The following DNAAF9 variants were observed in gnomAD, a reference collection of about 807,000 sequenced individuals.
The protein encoded by DNAAF9 is dynein axonemal assembly factor 9, also known as shulin.
DNAAF9 carries 90 observed loss-of-function variants against 167.0 expected under a neutral mutation model. The observed-to-expected ratio is 0.54, with a 90% CI of 0.45 to 0.64. The LOEUF is 0.64. DNAAF9 is among the 30% of genes least tolerant of loss of function. The probability of loss-of-function intolerance (pLI) is 0.00; values close to 1 mark genes in which losing one functional copy is unlikely to be tolerated. For missense variants in DNAAF9, 1,315 were observed against 1,442.2 expected (o/e 0.91, Z 1.43); for synonymous variants, 491 against 508.8 (o/e 0.96, Z 0.47).
chr20:3,359,745 C>T, intron 6 of DNAAF9, 152 bp from the exon 7 acceptor site: 3 of 587,966 alleles, frequency 5.1e-6, no homozygotes, highest in South Asian at 5.1e-5. Flanking sequence ...TTGCCCTATA[C>T]ATATTAATAA....
At chr20:3,369,129 CA>C (rs35047918) in intron 6 of DNAAF9, among the ~76,000 whole-genome samples, 2,593 of 133,820 alleles carry the variant, frequency 0.019, 27 homozygotes, top group Middle Eastern at 0.031. Context: ...AACTCTGTCT[CA>C]AAAAAAAAAA....
chr20:3,348,604 T>C lies in DNAAF9; in HGVS notation c.710A>G (p.His237Arg). ...ATTAGCGAAGAAGCTAGTCCACTGATGTTCAAAAGCCACCAAATCCTGGGA... is the reference window on the plus strand; with the variant it reads ...ATTAGCGAAGAAGCTAGTCCACTGACGTTCAAAAGCCACCAAATCCTGGGA... ...LLSDDLVAFE[H>R]QWTSFFANFD... Residue 237 changes from histidine to arginine, a missense_variant, in exon 8 of 37, where the codon CAT becomes CGT. By Grantham distance (29) the His-to-Arg change is conservative. Around this residue, in one of 2 missense-constraint regions of DNAAF9, gnomAD observed 981 missense variants for 1,012.5 expected, o/e 0.97. Transcript: ENST00000252032. 1 of 1,600,602 alleles carries C rather than the reference T, an allele frequency of 6.2e-7. No individual in the cohort carries two copies.
intron 30 of DNAAF9, among the ~76,000 whole-genome samples, chr20:3,266,355 T>C (rs1395539426): frequency 6.6e-6 from 1 of 152,210 alleles, no homozygotes; most frequent in Non-Finnish European, 1.5e-5. Context: ...ACAGGACTAG[T>C]AATATTTTTT....
intron 1 of DNAAF9, among the ~76,000 whole-genome samples, chr20:3,389,519 C>T (rs1366344036): frequency 6.6e-6 from 1 of 151,780 alleles, no homozygotes; most frequent in Non-Finnish European, 1.5e-5. Context: ...GTAATTCCAA[C>T]ACTTTGGGAG....
Position 3,269,953 on chromosome 20 carries a change from G to A in DNAAF9, c.2786+474C>T, listed in dbSNP as rs1187628451. Among the ~76,000 whole-genome samples the A allele has an allele frequency of 2.1e-5, 3 of 145,584 alleles. No homozygotes were observed. In the East Asian group the frequency reaches 6.1e-4, roughly 29 times the overall value. On this transcript the variant is annotated intron_variant, in intron 30 of 36. Transcript: ENST00000252032. ...AGCCTGGACGACAGAGGGAGACTCC[G>A]TCTCAAAAAAAAAAAAAACACTTCA...
intron 27 of DNAAF9, among the ~76,000 whole-genome samples, chr20:3,284,554 GT>G (rs1349749024): frequency 1.6e-5 from 2 of 126,236 alleles, no homozygotes; most frequent in Non-Finnish European, 3.5e-5. Context: ...GTCTCTTCAC[GT>G]TTGCTTTCTG....
At chr20:3,274,170 T>C (rs1299883864) in intron 29 of DNAAF9, among the ~76,000 whole-genome samples, 1 of 152,016 alleles carries the variant, frequency 6.6e-6, no homozygotes, top group East Asian at 1.9e-4. Context: ...TGAGACAGAG[T>C]CTCACTGGGT....
intron 25 of DNAAF9, among the ~76,000 whole-genome samples, chr20:3,293,620 G>T (rs2069007471): frequency 6.9e-6 from 1 of 145,424 alleles, no homozygotes; most frequent in African/African-American, 2.6e-5. Flanking sequence ...AGGGGGCGGA[G>T]GTTGCAGTGA....
chr20:3,276,120 A>G (rs886128627), intron 29 of DNAAF9, among the ~76,000 whole-genome samples: 4 of 152,234 alleles, frequency 2.6e-5, no homozygotes, highest in Non-Finnish European at 5.9e-5. Context: ...TGAATCGGGT[A>G]GCCTGACTCA....
chr20:3,382,388 T>G, intron 2 of DNAAF9, 39 bp downstream of exon 2: 1 of 1,537,470 alleles, frequency 6.5e-7, no homozygotes. Context: ...AAAGCCAAGT[T>G]GCCCAAGCCC....
intron 13 of DNAAF9, among the ~76,000 whole-genome samples, chr20:3,325,653 TCTC>T (rs2069697264): frequency 6.6e-6 from 1 of 152,202 alleles, no homozygotes. Context: ...AGCTGACTCT[TCTC>T]ATCTCCTTAC....
In DNAAF9 at chr20:3,250,214, G is replaced by C; in HGVS notation, c.*2358C>G. The C allele has an allele frequency of 6.6e-6, 1 of 152,262 alleles. No individual in the cohort carries two copies. The highest frequency in any genetic ancestry group is 1.9e-4 in the East Asian group (1 of 5,198). 9.4% of individuals were successfully genotyped at this position (152,262 alleles called of 1,614,324 possible). ...GGCCATTCCTTTGGAAACAGCAGAA[G>C]ACCCTGCTCCTCCCACCTGGAGCGC... On this transcript the variant is annotated 3_prime_UTR_variant, in exon 37 of 37. Transcript: ENST00000252032.
intron 33 of DNAAF9, among the ~76,000 whole-genome samples, chr20:3,257,347 C>T (rs2068299252): frequency 6.6e-6 from 1 of 151,052 alleles, no homozygotes; most frequent in African/African-American, 2.4e-5. Flanking sequence ...CTTGTCTCCA[C>T]AAAAAAGAAA....
chr20:3,296,644 G>C, intron 23 of DNAAF9: 1 of 524,372 alleles, frequency 1.9e-6, no homozygotes, highest in Non-Finnish European at 3.4e-6. Flanking sequence ...GCCTCCCAAA[G>C]TGTTGGGATT....
At chr20:3,260,211 C>T (rs1247346870) in intron 31 of DNAAF9, among the ~76,000 whole-genome samples, 183 bp from the exon 32 acceptor site, 2 of 151,788 alleles carry the variant, frequency 1.3e-5, no homozygotes, top group Admixed American at 6.6e-5. Context: ...CGGTGGCGGG[C>T]GCCTGTAGTC....
chr20:3,304,055 C>A (rs1220254873), intron 21 of DNAAF9, among the ~76,000 whole-genome samples: 1 of 152,186 alleles, frequency 6.6e-6, no homozygotes, highest in East Asian at 1.9e-4. Context: ...CCACAGGATG[C>A]AGCTCCTTTC....
At chr20:3,330,587 G>C (rs2069807863) in intron 12 of DNAAF9, 59 bp downstream of exon 12, 3 of 987,106 alleles carry the variant, frequency 3.0e-6, no homozygotes, top group Middle Eastern at 2.1e-4. Flanking sequence ...AAGTACACAG[G>C]ACAGTCACAA....
chr20:3,367,937 ACAAAGTGCAG>A (rs1171273081), intron 6 of DNAAF9, among the ~76,000 whole-genome samples: 1 of 150,506 alleles, frequency 6.6e-6, no homozygotes, highest in African/African-American at 2.4e-5. Context: ...AGCAATATCT[ACAAAGTGCAG>A]CAAACCAAAG....
At chr20:3,335,120 A>T (rs2069912627) in intron 10 of DNAAF9, among the ~76,000 whole-genome samples, 2 of 152,106 alleles carry the variant, frequency 1.3e-5, no homozygotes. Context: ...TTTTTTGGCA[A>T]CTTTTGAGAT....
Sources: gnomAD v4.1 joint callset for allele counts (sites outside exome capture counted in the v4.1 genomes callset) on GRCh38, gnomAD v4.1.1 for gene constraint, gnomAD v4.1.1 regional missense constraint, MANE v1.5 for transcripts, NCBI Gene and HGNC (gene_info 2026-07-23, HGNC 2026-07-21) for gene names.